Variants in CAMTA1 observed in about 807,000 individuals in gnomAD.
CAMTA1 encodes calmodulin-binding transcription activator 1.
CAMTA1 carries 27 observed loss-of-function variants against 170.9 expected under a neutral mutation model. The observed-to-expected ratio is 0.16, with a 90% CI of 0.12 to 0.22. The LOEUF (loss-of-function observed/expected upper bound fraction) is 0.22, where lower values mean the gene tolerates loss of function less well. Ranked by LOEUF, CAMTA1 falls within the 10% of genes least tolerant of loss-of-function variation. The pLI is 1.00. For synonymous variants in CAMTA1, 833 were observed against 891.5 expected (o/e 0.93, Z 1.17); for missense variants, 1,619 against 2,217.2 (o/e 0.73, Z 5.42).
At chr1:7,649,150 G>C (rs2095830799) in intron 7 of CAMTA1, among the ~76,000 whole-genome samples, 1 of 152,256 alleles carries the variant, frequency 6.6e-6, no homozygotes, top group Non-Finnish European at 1.5e-5. Flanking sequence ...AAGTTTCCTT[G>C]TTTTGCAGCT....
At chr1:7,056,676 C>A (rs990841864) in intron 3 of CAMTA1, among the ~76,000 whole-genome samples, 6 of 152,002 alleles carry the variant, frequency 3.9e-5, no homozygotes, top group Non-Finnish European at 7.4e-5. Flanking sequence ...GGGAGGCAGA[C>A]CCCCGAGGGA....
chr1:7,127,891 C>T (rs1645024794), intron 4 of CAMTA1, among the ~76,000 whole-genome samples: 1 of 152,204 alleles, frequency 6.6e-6, no homozygotes, highest in African/African-American at 2.4e-5. Context: ...TGTCCAGGAA[C>T]TTGATTGGTA....
In CAMTA1 at chr1:7,640,390, C is replaced by G. The variant is rs371053060; in HGVS notation, c.511-10C>G. ...CACCCTCATGCTGCCAGTCTCTGCTCTCCCCACAGAACCCCGACATCGTCC... is the reference window on the plus strand; with the variant it reads ...CACCCTCATGCTGCCAGTCTCTGCTGTCCCCACAGAACCCCGACATCGTCC... On this transcript the variant is annotated splice_polypyrimidine_tract_variant and intron_variant, in intron 6 of 22. Coordinates refer to ENST00000303635, the MANE Select transcript of CAMTA1 (RefSeq NM_015215.4). The G allele has an allele frequency of 3.1e-6, 5 of 1,613,668 alleles. No homozygotes were observed. The highest frequency in any genetic ancestry group is 4.2e-6 in the Non-Finnish European group (5 of 1,179,864).
intron 3 of CAMTA1, among the ~76,000 whole-genome samples, chr1:7,059,372 C>T (rs1707862024): frequency 6.6e-6 from 1 of 152,166 alleles, no homozygotes; most frequent in South Asian, 2.1e-4. Context: ...AATCTCAGCA[C>T]TTTGGGAGGC....
intron 5 of CAMTA1, among the ~76,000 whole-genome samples, chr1:7,402,796 C>A (rs1312186136): frequency 6.6e-6 from 1 of 152,138 alleles, no homozygotes; most frequent in Non-Finnish European, 1.5e-5. Flanking sequence ...AAAGCAAAGT[C>A]AAGTCTAAAA....
chr1:6,869,067 A>T (rs1456118130), intron 3 of CAMTA1, among the ~76,000 whole-genome samples: 1 of 151,992 alleles, frequency 6.6e-6, no homozygotes, highest in Non-Finnish European at 1.5e-5. Flanking sequence ...CCAGTTGGGG[A>T]TTTGTTTGGG....
intron 5 of CAMTA1, among the ~76,000 whole-genome samples, chr1:7,306,974 A>T (rs1311321213): frequency 1.3e-5 from 2 of 152,024 alleles, no homozygotes. Flanking sequence ...GGGTAAGCAT[A>T]GGTTATATGC....
At chr1:6,863,318 C>G (rs1023701032) in intron 3 of CAMTA1, among the ~76,000 whole-genome samples, 1 of 152,162 alleles carries the variant, frequency 6.6e-6, no homozygotes, top group Non-Finnish European at 1.5e-5. Flanking sequence ...ACCACCATCT[C>G]CCCATTCCCT....
chr1:7,252,125 A>T (rs1247122280), intron 5 of CAMTA1, among the ~76,000 whole-genome samples: 1 of 152,200 alleles, frequency 6.6e-6, no homozygotes, highest in African/African-American at 2.4e-5. Context: ...CTTTTTGGGC[A>T]CATAGGCAAC....
At chr1:6,888,324 T>C in intron 3 of CAMTA1, 1 of 871,994 alleles carries the variant, frequency 1.1e-6, no homozygotes, top group East Asian at 1.2e-4. Flanking sequence ...TTTGTTGTGA[T>C]TGAAGTAACT....
chr1:7,438,556 T>C (rs2092420611), intron 5 of CAMTA1, among the ~76,000 whole-genome samples: 1 of 152,076 alleles, frequency 6.6e-6, no homozygotes, highest in African/African-American at 2.4e-5. Context: ...CACTGGCCCC[T>C]GTGTCCAGGC....
In CAMTA1 at chr1:7,482,027, C is replaced by T. The variant is rs1396073212; in HGVS notation, c.510+14126C>T. Among the ~76,000 whole-genome samples, 2 of 152,116 alleles carry T rather than the reference C, an allele frequency of 1.3e-5. No homozygotes were observed. The highest frequency in any genetic ancestry group is 2.9e-5 in the Non-Finnish European group (2 of 68,016). On this transcript the variant is annotated intron_variant, in intron 6 of 22. Transcript: ENST00000303635. This position sits in a 1 kb window ranked among gnomAD's most constrained non-coding sequence, Gnocchi z 4.2. ...GGCCACCACTGTTCTGATTTCTCCA[C>T]TATAGGTTCATTTTTTCTGTTCTAG...
intron 5 of CAMTA1, among the ~76,000 whole-genome samples, chr1:7,391,800 A>G (rs1356232568): frequency 1.3e-5 from 2 of 152,194 alleles, no homozygotes; most frequent in Non-Finnish European, 2.9e-5. Flanking sequence ...GCCAGACATA[A>G]TGATCCTGAG....
intron 1 of CAMTA1, among the ~76,000 whole-genome samples, chr1:6,811,243 T>G (rs1570308880): frequency 6.6e-6 from 1 of 152,248 alleles, no homozygotes; most frequent in Non-Finnish European, 1.5e-5. Flanking sequence ...AAGTGTTTTA[T>G]AGACTACAAA....
intron 3 of CAMTA1, among the ~76,000 whole-genome samples, chr1:6,829,937 A>G (rs1044385732): frequency 1.3e-5 from 2 of 152,258 alleles, no homozygotes; most frequent in Non-Finnish European, 2.9e-5. Context: ...AAAAAGTGGC[A>G]GACACTCATT....
chr1:7,391,157 T>TG (rs1357640018), intron 5 of CAMTA1, among the ~76,000 whole-genome samples: 1 of 152,082 alleles, frequency 6.6e-6, no homozygotes, highest in Non-Finnish European at 1.5e-5. Context: ...GCCACCATGC[T>TG]GGGCTAATTT....
At chr1:6,924,606 C>T (rs1224788834) in intron 3 of CAMTA1, among the ~76,000 whole-genome samples, 1 of 152,204 alleles carries the variant, frequency 6.6e-6, no homozygotes, top group East Asian at 1.9e-4. Context: ...TTAGACTCTT[C>T]TGTACTTTCC....
chr1:6,785,465 G>C lies in CAMTA1; in HGVS notation c.-66G>C. ...GGCGGGTGCGCGGCGGCGGCGGGGT[G>C]GCTGGGCCGGCGGCGGCGGCGGTAC... On this transcript the variant is annotated 5_prime_UTR_variant, in exon 1 of 23. Coordinates refer to ENST00000303635, the MANE Select transcript of CAMTA1 (RefSeq NM_015215.4). 1 of 991,212 alleles carries C rather than the reference G, an allele frequency of 1.0e-6. No homozygotes were observed. Among genetic ancestry groups the C allele is most frequent in the Non-Finnish European group, 1.2e-6 (1 of 822,834 alleles). 61.4% of individuals were successfully genotyped at this position (991,212 alleles called of 1,614,324 possible).
At chr1:7,691,816 G>C (rs990619719) in intron 11 of CAMTA1, among the ~76,000 whole-genome samples, 10 of 152,164 alleles carry the variant, frequency 6.6e-5, no homozygotes, top group African/African-American at 2.4e-4. Flanking sequence ...CACATCTGTG[G>C]GTGTGGAGGA....
Sources: allele counts gnomAD v4.1 joint callset (sites outside exome capture counted in the v4.1 genomes callset), GRCh38; gene constraint gnomAD v4.1.1; non-coding constraint Gnocchi (gnomAD v3.1); transcripts MANE v1.5; gene names NCBI Gene and HGNC (gene_info 2026-07-23, HGNC 2026-07-21).